Variants in TENM2 observed in about 807,000 individuals in gnomAD.
TENM2 encodes the protein teneurin transmembrane protein 2.
In TENM2, 52 loss-of-function variants were observed where a neutral mutation model predicts 245.2. The observed-to-expected ratio is 0.21, with a 90% CI of 0.17 to 0.27. TENM2 has a LOEUF of 0.27. TENM2 is among the 10% of genes least tolerant of loss of function. The probability of loss-of-function intolerance (pLI) is 1.00; values close to 1 mark genes in which losing one functional copy is unlikely to be tolerated. For missense variants in TENM2, 3,046 were observed against 3,666.8 expected (o/e 0.83, Z 4.37); for synonymous variants, 1,363 against 1,438.9 (o/e 0.95, Z 1.19).
At chr5:167,901,255 C>G (rs2151516991) in intron 3 of TENM2, among the ~76,000 whole-genome samples, 1 of 152,206 alleles carries the variant, frequency 6.6e-6, no homozygotes, top group South Asian at 2.1e-4. Context: ...TTAGCACCTA[C>G]CACGGTTCCT....
intron 19 of TENM2, among the ~76,000 whole-genome samples, chr5:168,206,341 C>G (rs187624340): frequency 7.0e-4 from 107 of 152,322 alleles, no homozygotes; most frequent in African/African-American, 2.5e-3. Context: ...CCTCAGTGAT[C>G]CAGTGGGCAT....
intron 2 of TENM2, among the ~76,000 whole-genome samples, chr5:167,410,726 A>G (rs909373884): frequency 6.6e-6 from 1 of 152,062 alleles, no homozygotes; most frequent in Admixed American, 6.6e-5. Context: ...TGTCATTCTT[A>G]TGTATTATTT....
intron 2 of TENM2, among the ~76,000 whole-genome samples, chr5:167,645,498 G>A (rs1402676192): frequency 2.0e-5 from 3 of 151,962 alleles, no homozygotes; most frequent in African/African-American, 4.8e-5. Context: ...GGCTTCTTTC[G>A]TGTTCTTTAC....
chr5:167,318,589 G>A (rs1756522835), intron 1 of TENM2, among the ~76,000 whole-genome samples: 1 of 152,080 alleles, frequency 6.6e-6, no homozygotes, highest in Non-Finnish European at 1.5e-5. Flanking sequence ...TAACTTTAAG[G>A]CCTTCACTGA....
intron 9 of TENM2, among the ~76,000 whole-genome samples, chr5:168,108,706 C>A (rs577013553): frequency 6.6e-6 from 1 of 152,290 alleles, no homozygotes; most frequent in Non-Finnish European, 1.5e-5. Flanking sequence ...AGAGATGTGG[C>A]AGGAAGACCC....
chr5:168,176,402 A>G (rs528193811), intron 13 of TENM2, among the ~76,000 whole-genome samples: 9 of 152,056 alleles, frequency 5.9e-5, no homozygotes, highest in Admixed American at 3.3e-4. Flanking sequence ...TCACAGATAC[A>G]CTTTCACCCT....
intron 10 of TENM2, among the ~76,000 whole-genome samples, chr5:168,122,188 G>GTTTTC (rs1397347430): frequency 6.6e-6 from 1 of 152,100 alleles, no homozygotes; most frequent in Non-Finnish European, 1.5e-5. Context: ...GTTTTGTTTT[G>GTTTTC]TTTTTTGAGA....
the TENM2 span, among the ~76,000 whole-genome samples, chr5:167,250,091 C>T: frequency 6.6e-6 from 1 of 152,132 alleles, no homozygotes; most frequent in Non-Finnish European, 1.5e-5. Flanking sequence ...GCCATTAGCA[C>T]TTGCAATATG....
chr5:167,332,514 G>A (rs1352034751), intron 1 of TENM2, among the ~76,000 whole-genome samples: 5 of 152,170 alleles, frequency 3.3e-5, no homozygotes, highest in Non-Finnish European at 7.3e-5. Flanking sequence ...AGAAGCTTCA[G>A]TGTTGCAGGG....
chr5:168,162,905 C>A, intron 13 of TENM2, 148 bp downstream of exon 15: 1 of 991,052 alleles, frequency 1.0e-6, no homozygotes, highest in East Asian at 2.6e-5. Flanking sequence ...CAGCAGAGAA[C>A]AGGTGTCCTT....
At chr5:168,158,175 G>A (rs1757358052) in intron 12 of TENM2, among the ~76,000 whole-genome samples, 1 of 152,040 alleles carries the variant, frequency 6.6e-6, no homozygotes, top group African/African-American at 2.4e-5. Flanking sequence ...CACCCACCTC[G>A]GCATCCCAAA....
intron 2 of TENM2, among the ~76,000 whole-genome samples, chr5:167,872,484 A>AAAAGAAAGAAAGAAAGAAAG (rs377717879): frequency 1.0e-5 from 1 of 99,650 alleles, no homozygotes; most frequent in African/African-American, 3.7e-5. Context: ...GAAAGAAAGA[A>AAAAGAAAGAAAGAAAGAAAG]AAAGAAAGAA....
chr5:167,980,328 G>A (rs1011994734), intron 4 of TENM2, among the ~76,000 whole-genome samples: 6 of 152,188 alleles, frequency 3.9e-5, no homozygotes, highest in Admixed American at 3.3e-4. Context: ...AAGATGCTAC[G>A]ATGGGAAAGG....
the TENM2 span, among the ~76,000 whole-genome samples, chr5:167,276,401 T>C: frequency 8.2e-4 from 123 of 150,180 alleles, no homozygotes; most frequent in Non-Finnish European, 1.3e-3. Context: ...TGTGTGTATC[T>C]GAGAGAGTTG....
At chr5:167,310,613 CAAAAT>C (rs1034553003) in intron 1 of TENM2, among the ~76,000 whole-genome samples, 3 of 151,570 alleles carry the variant, frequency 2.0e-5, no homozygotes, top group South Asian at 4.2e-4. Flanking sequence ...CAGGAAAAAA[CAAAAT>C]AAAACAAAAA....
At chr5:167,847,251 C>T (rs193016916) in intron 2 of TENM2, among the ~76,000 whole-genome samples, 7 of 152,322 alleles carry the variant, frequency 4.6e-5, no homozygotes, top group African/African-American at 9.6e-5. Flanking sequence ...CCATGCCCAG[C>T]CTCACCCTAT....
chr5:168,118,377 C>T (rs199661278), exon 10 of TENM2: 107 of 1,611,162 alleles, frequency 6.6e-5, no homozygotes, highest in East Asian at 2.9e-4. Flanking sequence ...GTGCAGAGTG[C>T]GACGTGCCCA....
chr5:167,638,186 C>G (rs1779339614), intron 2 of TENM2, among the ~76,000 whole-genome samples: 1 of 151,150 alleles, frequency 6.6e-6, no homozygotes, highest in South Asian at 2.1e-4. Context: ...TTCATTCACA[C>G]TGGAAAATTC....
chr5:167,306,438 T>C (rs922698723), intron 1 of TENM2: 1 of 151,880 alleles, frequency 6.6e-6, no homozygotes, highest in African/African-American at 2.4e-5. Context: ...TTTTGAAAGG[T>C]GATTTAATTC....
Sources: allele counts gnomAD v4.1 joint callset (sites outside exome capture counted in the v4.1 genomes callset), GRCh38; gene constraint gnomAD v4.1.1; transcripts MANE v1.5; gene names NCBI Gene and HGNC (gene_info 2026-07-23, HGNC 2026-07-21).